Variants in CFAP99 observed in about 807,000 individuals in gnomAD.
CFAP99 encodes the protein cilia and flagella associated protein 99.
A neutral mutation model predicts 82.7 loss-of-function variants in CFAP99; 84 were observed. The observed-to-expected ratio is 1.02, with a 90% CI of 0.85 to 1.22. CFAP99 has a LOEUF of 1.22. Among genes scored for constraint, CFAP99 ranks in the 50% most tolerant of loss-of-function variants. The pLI is 0.00. For missense variants in CFAP99, 1,059 were observed against 983.5 expected, an observed-to-expected ratio of 1.08 and a Z score of -1.03; for synonymous variants, 456 against 429.5, an observed-to-expected ratio of 1.06 and a Z score of -0.76.
At chr4:2,429,160 A>C (rs1209520) in intron 2 of CFAP99, 89,364 of 152,262 alleles carry the variant, frequency 0.59, 27,134 homozygotes, top group East Asian at 0.86. Context: ...TGTTGCCTCC[A>C]CCTGGGAAAC....
chr4:2,461,913 T>C (rs1472358520), intron 14 of CFAP99, among the ~76,000 whole-genome samples: 1 of 151,762 alleles, frequency 6.6e-6, no homozygotes, highest in African/African-American at 2.4e-5. Flanking sequence ...GAGTGCGAGG[T>C]CAAAGGAGGC....
intron 13 of CFAP99, among the ~76,000 whole-genome samples, chr4:2,459,788 C>A (rs1454261022): frequency 6.6e-6 from 1 of 152,210 alleles, no homozygotes; most frequent in Non-Finnish European, 1.5e-5. Flanking sequence ...GGGAGATAGT[C>A]ATGAGCTCCA....
Position 2,446,368 on chromosome 4 carries a change from G to GTTGTTATTA in CFAP99, c.642+1062_642+1063insGTTATTATT, listed in dbSNP as rs1262123381. Among the ~76,000 whole-genome samples the GTTGTTATTA allele has an allele frequency of 1.9e-3, 285 of 148,492 alleles. No individual in the cohort carries two copies. The highest frequency in any genetic ancestry group is 6.4e-3 in the African/African-American group (257 of 40,102). The stretch of plus-strand genomic sequence containing the variant: ...CTTTTTATTTCATTTTATTATTGTT[G>GTTGTTATTA]TTATTATTATTATTATTATTATTAT... On this transcript the variant is annotated intron_variant, in intron 6 of 14. Transcript: ENST00000635017. The surrounding 1 kb of genome is among the most constrained non-coding windows in gnomAD (Gnocchi z 5.0).
At chr4:2,457,922 C>T (rs145596254) in intron 11 of CFAP99, among the ~76,000 whole-genome samples, 124 of 152,322 alleles carry the variant, frequency 8.1e-4, no homozygotes, top group Admixed American at 1.7e-3. Context: ...CAGAGAGGCC[C>T]GAGACTTGTC....
chr4:2,431,690 C>T (rs546353849), intron 2 of CFAP99, among the ~76,000 whole-genome samples: 6 of 152,098 alleles, frequency 3.9e-5, no homozygotes, highest in Admixed American at 2.6e-4. Flanking sequence ...ACCTCATGTG[C>T]GGGCAAAAAT....
intron 2 of CFAP99, chr4:2,428,501 C>G (rs1560377436): frequency 6.6e-6 from 1 of 152,480 alleles, no homozygotes; most frequent in Non-Finnish European, 1.5e-5. Context: ...CCTCCATCCT[C>G]CCTCACACCC....
At chr4:2,451,495 G>A in intron 10 of CFAP99, 143 bp downstream of exon 10, 1 of 706,430 alleles carries the variant, frequency 1.4e-6, no homozygotes, top group Non-Finnish European at 2.4e-6. Context: ...AGCAACAGGG[G>A]CGACAAGCAG....
chr4:2,426,461 T>C lies in CFAP99; in HGVS notation c.-15T>C, dbSNP rs1283309637. Reference sequence around the variant, plus strand: ...TGACCTGCACGGTTTGTTCTTAGGCTTCTGCCCTAAGAAGATGGCCTACTA... The same window carrying C: ...TGACCTGCACGGTTTGTTCTTAGGCCTCTGCCCTAAGAAGATGGCCTACTA... On this transcript the variant is annotated splice_region_variant and 5_prime_UTR_variant, in exon 2 of 15. Coordinates refer to ENST00000635017, the Ensembl canonical transcript of CFAP99. The C allele has an allele frequency of 2.0e-6, 3 of 1,522,120 alleles. No homozygotes were observed. The East Asian group carries it at 7.3e-5, about 37-fold the overall frequency. 94.3% of individuals were successfully genotyped at this position (1,522,120 alleles called of 1,614,324 possible).
exon 6 of CFAP99, chr4:2,445,220 C>G: frequency 6.8e-7 from 1 of 1,465,336 alleles, no homozygotes; most frequent in Non-Finnish European, 9.0e-7. Context: ...GCCAAGGTCA[C>G]AGAGCCCAAG....
chr4:2,443,009 G>T (rs1406963520), intron 4 of CFAP99, 121 bp from the exon 5 acceptor site: 2 of 450,690 alleles, frequency 4.4e-6, no homozygotes, highest in Non-Finnish European at 7.9e-6. Flanking sequence ...GGCCTTGGGG[G>T]GAGCCACTGG....
exon 11 of CFAP99, chr4:2,452,246 G>A: frequency 1.1e-5 from 17 of 1,536,146 alleles, no homozygotes; most frequent in Non-Finnish European, 1.5e-5. Flanking sequence ...GCAAGCGAGT[G>A]CCGGCGGTTG....
At chr4:2,457,186 T>G (rs1219221996) in intron 11 of CFAP99, among the ~76,000 whole-genome samples, 1 of 151,768 alleles carries the variant, frequency 6.6e-6, no homozygotes, top group African/African-American at 2.4e-5. Flanking sequence ...CAAGCAATCC[T>G]CCCCCCTCAG....
exon 3 of CFAP99, chr4:2,436,947 C>T (rs903821494): frequency 1.3e-6 from 2 of 1,536,078 alleles, no homozygotes; most frequent in Non-Finnish European, 1.7e-6. Context: ...AAGCTGCTGA[C>T]CGTCGTGGTG....
chr4:2,460,222 G>A lies in CFAP99; in HGVS notation c.1641G>A (p.Met547Ile), dbSNP rs538089815. 9 of 1,536,118 alleles carry A rather than the reference G, an allele frequency of 5.9e-6. No individual in the cohort carries two copies. In the African/African-American group the frequency reaches 8.2e-5, roughly 14 times the overall value. The stretch of plus-strand genomic sequence containing the variant: ...AGATCTCGCTGTGCCGTGCAGCCAT[G>A]GGGAGATCCGCAGCCTTGAGGTTGG... Residue 547 changes from methionine to isoleucine, a missense_variant, in exon 14 of 15, where the codon ATG becomes ATA. Physicochemically the swap from Met to Ile is conservative, Grantham distance 10 (BLOSUM62 1). Transcript: ENST00000635017.
chr4:2,432,683 G>A (rs1052222137), intron 2 of CFAP99, among the ~76,000 whole-genome samples: 4 of 152,202 alleles, frequency 2.6e-5, no homozygotes, highest in East Asian at 3.9e-4. Flanking sequence ...AGTCTCTAGC[G>A]ATTGTGAATG....
At chr4:2,443,370 TC>T in intron 5 of CFAP99, 128 bp downstream of exon 5, 1 of 654,590 alleles carries the variant, frequency 1.5e-6, no homozygotes, top group Non-Finnish European at 2.8e-6. Context: ...CAGTAATCAC[TC>T]CGTGTTCGGA....
chr4:2,451,339 C>G (rs1289777674), exon 10 of CFAP99: 1 of 1,535,672 alleles, frequency 6.5e-7, no homozygotes, highest in African/African-American at 1.4e-5. Context: ...GCAGGTGGAG[C>G]AGGAGCTGCA....
intron 12 of CFAP99, 109 bp downstream of exon 12, chr4:2,458,973 C>A: frequency 1.4e-6 from 2 of 1,450,826 alleles, no homozygotes; most frequent in Non-Finnish European, 1.8e-6. Context: ...GTCAGGGACC[C>A]CTTGAGGGAG....
At chr4:2,421,350 CTTTTTTTTTT>C in intron 1 of CFAP99, among the ~76,000 whole-genome samples, 1 of 96,982 alleles carries the variant, frequency 1.0e-5, no homozygotes, top group African/African-American at 3.9e-5. Context: ...TCTGCCCACC[CTTTTTTTTTT>C]TTTTTTTTTT....
Sources: allele counts gnomAD v4.1 joint callset (sites outside exome capture counted in the v4.1 genomes callset), GRCh38; gene constraint gnomAD v4.1.1; non-coding constraint Gnocchi (gnomAD v3.1); transcripts MANE v1.5; gene names NCBI Gene and HGNC (gene_info 2026-07-23, HGNC 2026-07-21).